METAP1D: variants seen among roughly 807,000 people sequenced by gnomAD.
METAP1D encodes the protein methionyl aminopeptidase type 1D, mitochondrial, also known as methionine aminopeptidase 1D, mitochondrial.
A neutral mutation model predicts 40.5 loss-of-function variants in METAP1D; 31 were observed. The observed-to-expected ratio is 0.77, with a 90% confidence interval of 0.58 to 1.03. METAP1D has a LOEUF of 1.03. Ranked by LOEUF, METAP1D falls within the 50% of genes least tolerant of loss-of-function variation. The probability of loss-of-function intolerance (pLI) is 0.00; values close to 1 mark genes in which losing one functional copy is unlikely to be tolerated. For synonymous variants in METAP1D, 151 were observed against 146.4 expected (o/e 1.03, Z -0.22); for missense variants, 411 against 420.7 (o/e 0.98, Z 0.20).
intron 6 of METAP1D, among the ~76,000 whole-genome samples, chr2:172,077,065 C>T (rs1260227223): frequency 6.6e-6 from 1 of 152,182 alleles, no homozygotes; most frequent in Non-Finnish European, 1.5e-5. Context: ...CAATGTACTT[C>T]TCCACATACA....
chr2:172,000,011 TA>T lies in METAP1D; in HGVS notation c.40+4del. ...GCGTCCACCTGCTCGTCCGCAGAGG[TA>T]AGCGCGTGGAGGAGAGCCCCGTGAG... On this transcript the variant is annotated splice_donor_region_variant and intron_variant, in intron 1 of 9. Coordinates refer to ENST00000315796, the MANE Select transcript of METAP1D (RefSeq NM_199227.3). The T allele has an allele frequency of 7.5e-7, 1 of 1,334,274 alleles. No homozygotes were observed. The highest frequency in any genetic ancestry group is 1.9e-5 in the South Asian group (1 of 51,336). The allele number at this position is 1,334,274 out of a possible 1,614,324, so 82.7% of individuals were successfully genotyped here. A position where few individuals can be genotyped will look rare whatever the true frequency, so the allele number is the denominator to read the frequency against.
intron 1 of METAP1D, among the ~76,000 whole-genome samples, chr2:172,053,187 C>T (rs1689926440): frequency 6.6e-6 from 1 of 152,202 alleles, no homozygotes; most frequent in South Asian, 2.1e-4. Context: ...GGCATGGATG[C>T]ATTTGCAGTG....
intron 1 of METAP1D, among the ~76,000 whole-genome samples, chr2:172,056,918 G>T (rs928958314): frequency 6.6e-6 from 1 of 152,164 alleles, no homozygotes. Flanking sequence ...CATGAAAAGT[G>T]TCTTCATTCT....
At chr2:172,069,115 C>G (rs1286216824) in intron 5 of METAP1D, among the ~76,000 whole-genome samples, 1 of 152,066 alleles carries the variant, frequency 6.6e-6, no homozygotes, top group African/African-American at 2.4e-5. Flanking sequence ...TGGGGTTTCA[C>G]TATGTTTCCC....
At chr2:172,009,322 C>T (rs1688658696) in intron 1 of METAP1D, among the ~76,000 whole-genome samples, 1 of 152,200 alleles carries the variant, frequency 6.6e-6, no homozygotes, top group East Asian at 1.9e-4. Context: ...GGATTACAGG[C>T]GTGAGCCACC....
At position 172,070,811 on chromosome 2, in the gene METAP1D, C is replaced by A; in HGVS notation, c.541-96C>A. ...AATGAATAATTCTGGAAGGGTAAAA[C>A]ATGAGTCTACTAAATACATAAATGA... is the stretch of plus-strand genomic sequence containing the variant. On this transcript the variant is annotated intron_variant, in intron 5 of 9. Coordinates refer to ENST00000315796, the MANE Select transcript of METAP1D (RefSeq NM_199227.3). 4 of 961,344 alleles carry A rather than the reference C, an allele frequency of 4.2e-6. No individual in the cohort carries two copies. The South Asian group carries it at 1.1e-4, about 27-fold the overall frequency. 59.6% of individuals were successfully genotyped at this position (961,344 alleles called of 1,614,324 possible). A position where few individuals can be genotyped will look rare whatever the true frequency, so the allele number is the denominator to read the frequency against.
intron 1 of METAP1D, among the ~76,000 whole-genome samples, chr2:172,014,777 C>T (rs1481165047): frequency 1.3e-5 from 2 of 152,082 alleles, no homozygotes; most frequent in East Asian, 1.9e-4. Flanking sequence ...CTCAGCCTCC[C>T]GAGTAGCTGG....
chr2:172,006,473 G>A (rs1034642519), intron 1 of METAP1D, among the ~76,000 whole-genome samples: 2 of 152,168 alleles, frequency 1.3e-5, no homozygotes, highest in Non-Finnish European at 2.9e-5. Context: ...GTGAGCCACT[G>A]CGCCTGGCCA....
Position 172,014,697 on chromosome 2 carries a change from G to A in METAP1D, c.40+14688G>A, listed in dbSNP as rs1008724092. On this transcript the variant is annotated intron_variant, in intron 1 of 9. Transcript: ENST00000315796. ...AATCAGAGTCTGGCCCTGTTGCCCA[G>A]GCTGGAGTGCAGTGGTGCAATCTCG... Among the ~76,000 whole-genome samples the A allele has an allele frequency of 2.0e-5, 3 of 152,152 alleles. No individual in the cohort carries two copies. The South Asian group carries it at 6.2e-4, about 32-fold the overall frequency.
chr2:172,049,823 T>A (rs906980773), intron 1 of METAP1D, among the ~76,000 whole-genome samples: 2 of 152,200 alleles, frequency 1.3e-5, no homozygotes, highest in African/African-American at 2.4e-5. Context: ...GCATTAGCTT[T>A]CTCATTTTAG....
At chr2:172,004,104 A>C (rs2105368997) in intron 1 of METAP1D, among the ~76,000 whole-genome samples, 1 of 152,224 alleles carries the variant, frequency 6.6e-6, no homozygotes, top group Middle Eastern at 3.4e-3. Flanking sequence ...AAAAAAACTT[A>C]GAAGTACTTT....
chr2:172,038,252 C>T (rs1689439379), intron 1 of METAP1D, among the ~76,000 whole-genome samples: 1 of 152,122 alleles, frequency 6.6e-6, no homozygotes, highest in Non-Finnish European at 1.5e-5. Flanking sequence ...TTTTTGTTTT[C>T]ATTGCAATTG....
At chr2:172,067,935 T>C (rs1184031816) in intron 5 of METAP1D, among the ~76,000 whole-genome samples, 1 of 152,232 alleles carries the variant, frequency 6.6e-6, no homozygotes, top group Non-Finnish European at 1.5e-5. Flanking sequence ...TCAGATCCTA[T>C]GTTTCTATCA....
intron 1 of METAP1D, among the ~76,000 whole-genome samples, chr2:172,002,046 G>GA (rs370838286): frequency 0.73 from 98,675 of 134,570 alleles, 36,113 homozygotes; most frequent in East Asian, 0.87. Context: ...GTAGTGAGCT[G>GA]AAAAAAAAAA....
At chr2:172,041,143 A>G (rs1038349120) in intron 1 of METAP1D, among the ~76,000 whole-genome samples, 10 of 152,040 alleles carry the variant, frequency 6.6e-5, no homozygotes, top group African/African-American at 2.4e-4. Context: ...AGCATATTAT[A>G]TAAAGCAAAA....
At chr2:172,022,830 TG>T (rs1689035806) in intron 1 of METAP1D, among the ~76,000 whole-genome samples, 1 of 152,210 alleles carries the variant, frequency 6.6e-6, no homozygotes, top group Non-Finnish European at 1.5e-5. Flanking sequence ...AATGTATTTA[TG>T]GTTCTTTTTC....
At chr2:172,038,764 G>A (rs768626425) in intron 1 of METAP1D, among the ~76,000 whole-genome samples, 43 of 152,210 alleles carry the variant, frequency 2.8e-4, no homozygotes, top group Middle Eastern at 3.2e-3. Context: ...TACTAATGCA[G>A]CAGAGCTCAT....
At chr2:172,074,895 T>C (rs1244235526) in intron 6 of METAP1D, among the ~76,000 whole-genome samples, 2 of 152,224 alleles carry the variant, frequency 1.3e-5, no homozygotes, top group Non-Finnish European at 2.9e-5. Context: ...TGCATTTTTA[T>C]TTCTTTATAA....
In METAP1D at chr2:172,020,135, C is replaced by T. The variant is rs188434155; in HGVS notation, c.40+20126C>T. 3.2e-4 allele frequency among the ~76,000 whole-genome samples: 48 copies of T among 152,092 alleles called. 1 individual carries two copies. Among genetic ancestry groups the T allele is most frequent in the South Asian group, 2.1e-4 (1 of 4,808 alleles). On this transcript the variant is annotated intron_variant, in intron 1 of 9. Coordinates refer to ENST00000315796, the MANE Select transcript of METAP1D (RefSeq NM_199227.3). ...CCAGGTAGCTGGGACTACAGGCGCA[C>T]GCCATCATGCCCGGCTAATTTTTAT...
Sources: gnomAD v4.1 joint callset for allele counts (sites outside exome capture counted in the v4.1 genomes callset) on GRCh38, gnomAD v4.1.1 for gene constraint, MANE v1.5 for transcripts, NCBI Gene and HGNC (gene_info 2026-07-23, HGNC 2026-07-21) for gene names.